The following MNAT1 variants were observed in gnomAD, a reference collection of about 807,000 sequenced individuals.
MNAT1 encodes the protein CDK-activating kinase assembly factor MAT1.
In MNAT1, 43 loss-of-function variants were observed where a neutral mutation model predicts 42.0. That is an observed-to-expected ratio of 1.02 (90% CI 0.80 to 1.32). MNAT1 has a LOEUF of 1.32. MNAT1 is among the 40% of genes most tolerant of loss of function. The pLI is 0.00. For missense variants in MNAT1, 306 were observed against 350.4 expected (o/e 0.87, Z 1.01); for synonymous variants, 118 against 120.0 (o/e 0.98, Z 0.11).
chr14:60,779,915 G>T, intron 1 of MNAT1: 2 of 1,033,938 alleles, frequency 1.9e-6, no homozygotes, highest in Non-Finnish European at 2.9e-6. Context: ...AGCCGCTGTG[G>T]TTGCTGTCCG....
chr14:60,967,013 C>A (rs568936902), intron 7 of MNAT1, among the ~76,000 whole-genome samples: 1 of 152,042 alleles, frequency 6.6e-6, no homozygotes, highest in Non-Finnish European at 1.5e-5. Flanking sequence ...AATAAATATT[C>A]TCTTCTTCCT....
chr14:60,850,209 T>C (rs906293033), intron 6 of MNAT1, among the ~76,000 whole-genome samples: 1 of 152,232 alleles, frequency 6.6e-6, no homozygotes. Context: ...TTCTGTATTA[T>C]TGATTTTCAT....
intron 7 of MNAT1, among the ~76,000 whole-genome samples, chr14:60,937,283 A>G (rs1594891232): frequency 6.6e-6 from 1 of 152,134 alleles, no homozygotes. Context: ...TTGGTGTTTT[A>G]AACATGAAGT....
chr14:60,792,717 T>G (rs1235872498), intron 1 of MNAT1, among the ~76,000 whole-genome samples: 1 of 152,202 alleles, frequency 6.6e-6, no homozygotes, highest in Non-Finnish European at 1.5e-5. Context: ...AACAATTGAC[T>G]AAAATTTTGA....
At chr14:60,879,370 A>T (rs2034499435) in intron 6 of MNAT1, among the ~76,000 whole-genome samples, 1 of 152,212 alleles carries the variant, frequency 6.6e-6, no homozygotes, top group Non-Finnish European at 1.5e-5. Flanking sequence ...AAATGTTTTT[A>T]AAATCCATGC....
At chr14:60,816,113 C>A (rs1594774531) in intron 5 of MNAT1, among the ~76,000 whole-genome samples, 2 of 152,098 alleles carry the variant, frequency 1.3e-5, no homozygotes, top group African/African-American at 2.4e-5. Flanking sequence ...CTAATTTACA[C>A]AAGTACTACT....
intron 1 of MNAT1, among the ~76,000 whole-genome samples, chr14:60,777,008 C>T (rs530340412): frequency 2.0e-4 from 31 of 152,080 alleles, no homozygotes; most frequent in African/African-American, 6.5e-4. Context: ...CCACCACTCC[C>T]GGCTAATTTT....
intron 7 of MNAT1, 25 bp from the exon 8 acceptor site, chr14:60,968,204 T>A: frequency 1.9e-6 from 3 of 1,552,310 alleles, no homozygotes; most frequent in Non-Finnish European, 2.7e-6. Context: ...TGTATATCAA[T>A]GCTACACTTC....
intron 7 of MNAT1, among the ~76,000 whole-genome samples, chr14:60,885,833 T>G (rs1035135157): frequency 6.6e-6 from 1 of 152,114 alleles, no homozygotes; most frequent in East Asian, 1.9e-4. Flanking sequence ...CAGAAAACCA[T>G]TGCCAAAGTT....
chr14:60,822,742 G>A (rs2032933381), intron 6 of MNAT1, among the ~76,000 whole-genome samples: 1 of 151,646 alleles, frequency 6.6e-6, no homozygotes, highest in African/African-American at 2.4e-5. Context: ...GTGTGCTCAG[G>A]CGGGAGCCTA....
At chr14:60,789,279 G>A (rs1276822360) in intron 1 of MNAT1, among the ~76,000 whole-genome samples, 1 of 152,128 alleles carries the variant, frequency 6.6e-6, no homozygotes, top group Non-Finnish European at 1.5e-5. Context: ...TTATATGGGT[G>A]CTTTTCATGG....
chr14:60,956,929 T>C (rs1274366225), intron 7 of MNAT1, among the ~76,000 whole-genome samples: 1 of 152,216 alleles, frequency 6.6e-6, no homozygotes, highest in African/African-American at 2.4e-5. Context: ...CTTATTTTTT[T>C]TTATCCATTC....
intron 6 of MNAT1, among the ~76,000 whole-genome samples, chr14:60,830,542 C>T: frequency 6.6e-6 from 1 of 152,108 alleles, no homozygotes; most frequent in East Asian, 1.9e-4. Flanking sequence ...TTATAAGGCT[C>T]CATCTGCAAA....
At chr14:60,942,538 C>T (rs770867591) in intron 7 of MNAT1, among the ~76,000 whole-genome samples, 23 of 150,602 alleles carry the variant, frequency 1.5e-4, no homozygotes, top group Non-Finnish European at 3.2e-4. Flanking sequence ...TTGTTTTTTC[C>T]ACTATCAGTG....
At chr14:60,954,855 T>TTA (rs990464266) in intron 7 of MNAT1, among the ~76,000 whole-genome samples, 28 of 152,198 alleles carry the variant, frequency 1.8e-4, no homozygotes, top group African/African-American at 6.7e-4. Context: ...CTATCGTATT[T>TTA]TATATATATA....
intron 1 of MNAT1, among the ~76,000 whole-genome samples, chr14:60,760,968 G>T (rs191772570): frequency 5.5e-4 from 84 of 152,280 alleles, no homozygotes; most frequent in East Asian, 5.0e-3. Context: ...GAAAACCAAA[G>T]ATTTTGCACA....
chr14:60,780,304 T>C, intron 1 of MNAT1: 2 of 1,517,242 alleles, frequency 1.3e-6, no homozygotes, highest in Non-Finnish European at 1.8e-6. Context: ...GTGATAAGAC[T>C]GCAAAAGATG....
chr14:60,916,484 G>A (rs918010240), intron 7 of MNAT1, among the ~76,000 whole-genome samples: 4 of 152,102 alleles, frequency 2.6e-5, no homozygotes, highest in African/African-American at 9.7e-5. Flanking sequence ...ACAAGATCTC[G>A]TCTTTACAAA....
intron 6 of MNAT1, among the ~76,000 whole-genome samples, chr14:60,835,340 G>A (rs1458603209): frequency 6.6e-6 from 1 of 152,122 alleles, no homozygotes; most frequent in Non-Finnish European, 1.5e-5. Flanking sequence ...TCTTCATAGT[G>A]TTGATGGTCT....
Sources: gnomAD v4.1 joint callset for allele counts (sites outside exome capture counted in the v4.1 genomes callset) on GRCh38, gnomAD v4.1.1 for gene constraint, MANE v1.5 for transcripts, NCBI Gene and HGNC (gene_info 2026-07-23, HGNC 2026-07-21) for gene names.